Variants in PACSIN1 observed in about 807,000 individuals in gnomAD.
PACSIN1 encodes protein kinase C and casein kinase substrate in neurons protein 1.
In PACSIN1, 15 loss-of-function variants were observed where a neutral mutation model predicts 59.5. The ratio of observed to expected loss-of-function variants is 0.25; its 90% CI spans 0.17 to 0.39. PACSIN1 has a LOEUF of 0.39. Ranked by LOEUF, PACSIN1 falls within the 10% of genes least tolerant of loss-of-function variation. PACSIN1 has a pLI of 1.00. For missense variants in PACSIN1, 420 were observed against 580.2 expected, an observed-to-expected ratio of 0.72 and a Z score of 2.84; for synonymous variants, 210 against 220.6, an observed-to-expected ratio of 0.95 and a Z score of 0.42.
At chr6:34,481,121 C>T (rs12660470) in intron 1 of PACSIN1, among the ~76,000 whole-genome samples, 1,682 of 152,090 alleles carry the variant, frequency 0.011, 43 homozygotes, top group East Asian at 0.094. Context: ...TCACGGCTCA[C>T]TGCAACCTCC....
At chr6:34,527,516 G>GC (rs775357043) in intron 3 of PACSIN1, 28 bp downstream of exon 3, 2 of 1,554,710 alleles carry the variant, frequency 1.3e-6, no homozygotes, top group Non-Finnish European at 1.7e-6. Context: ...CATCGTGCGC[G>GC]CCCCCAGGCC....
In PACSIN1 at chr6:34,532,477, C is replaced by A; in HGVS notation, c.1282C>A (p.Leu428Met). Residue 428 changes from leucine (L) to methionine (M), a missense_variant, in exon 10 of 10, where the codon CTG (leucine) becomes ATG (methionine). Physicochemically the swap from Leu to Met is conservative, Grantham distance 15 (BLOSUM62 2). Transcript: ENST00000244458. The surrounding 1 kb of genome is among the most constrained non-coding windows in gnomAD (Gnocchi z 5.2). ...TGAGCAGGGCTGGTGCCGTGGGCGGCTGGACAGCGGGCAGCTGGGCCTCTA... is the reference window on the plus strand; with the variant it reads ...TGAGCAGGGCTGGTGCCGTGGGCGGATGGACAGCGGGCAGCTGGGCCTCTA... Reference protein sequence around the residue: ...EDEQGWCRGRLDSGQLGLYPA... With the variant: ...EDEQGWCRGRMDSGQLGLYPA... 6.4e-7 allele frequency: 1 copy of A among 1,574,304 alleles called. No homozygotes were observed. Among genetic ancestry groups the A allele is most frequent in the East Asian group, 2.3e-5 (1 of 42,696 alleles).
chr6:34,528,599 G>A, intron 3 of PACSIN1, 43 bp from the exon 4 acceptor site: 2 of 1,441,398 alleles, frequency 1.4e-6, no homozygotes, highest in Non-Finnish European at 2.0e-6. Context: ...GGGCCTCTGG[G>A]CAGGGGCAAT....
At chr6:34,527,572 C>G in intron 3 of PACSIN1, 84 bp downstream of exon 3, 1 of 1,245,018 alleles carries the variant, frequency 8.0e-7, no homozygotes, top group South Asian at 1.6e-5. Flanking sequence ...CGGCTACTTG[C>G]ATGCACCATG....
Position 34,529,813 on chromosome 6 carries a change from C to T in PACSIN1, c.760C>T (p.Arg254Trp), listed in dbSNP as rs753089145. 32 of 1,613,724 alleles carry T rather than the reference C, an allele frequency of 2.0e-5. No homozygotes were observed. Among genetic ancestry groups the T allele is most frequent in the South Asian group, 1.4e-4 (13 of 91,020 alleles). ...CAAGGAGGTGCTGCTGGACATCAAACGGCACCTCAACCTGGCTGAGAACAG... is the reference window on the plus strand; with the variant it reads ...CAAGGAGGTGCTGCTGGACATCAAATGGCACCTCAACCTGGCTGAGAACAG... ...FLKEVLLDIK[R>W]HLNLAENSSY... The change falls in exon 6 of 10, where the codon CGG becomes TGG. Residue 254 changes from arginine to tryptophan, a missense_variant. Coordinates refer to ENST00000244458, the MANE Select transcript of PACSIN1 (RefSeq NM_020804.5). The surrounding 1 kb of genome is among the most constrained non-coding windows in gnomAD (Gnocchi z 6.3).
At chr6:34,479,692 G>C (rs1766688297) in intron 1 of PACSIN1, among the ~76,000 whole-genome samples, 1 of 152,134 alleles carries the variant, frequency 6.6e-6, no homozygotes, top group South Asian at 2.1e-4. Flanking sequence ...CTGGGCTCAA[G>C]TGATCCTCCT....
chr6:34,492,320 T>C (rs1335068723), intron 1 of PACSIN1, among the ~76,000 whole-genome samples: 2 of 149,864 alleles, frequency 1.3e-5, no homozygotes, highest in Non-Finnish European at 3.0e-5. Context: ...GCAATTCTCC[T>C]GCCTCAGCCT....
chr6:34,510,700 C>G (rs999246156), intron 1 of PACSIN1, among the ~76,000 whole-genome samples: 3 of 152,198 alleles, frequency 2.0e-5, no homozygotes, highest in African/African-American at 7.2e-5. Flanking sequence ...TACTCTCTGT[C>G]TCTTTAACCC....
intron 1 of PACSIN1, among the ~76,000 whole-genome samples, chr6:34,495,786 C>T (rs959319396): frequency 1.3e-5 from 2 of 152,164 alleles, no homozygotes; most frequent in African/African-American, 2.4e-5. Context: ...TATTTTGTTG[C>T]ACACACAGGT....
At chr6:34,487,004 C>CAAAAA (rs3042080) in intron 1 of PACSIN1, among the ~76,000 whole-genome samples, 36,283 of 133,040 alleles carry the variant, frequency 0.27, 5,613 homozygotes, top group East Asian at 0.53. Context: ...CCATCTCTAC[C>CAAAAA]AAAAAAAAAA....
intron 1 of PACSIN1, among the ~76,000 whole-genome samples, chr6:34,476,121 C>G (rs1482201236): frequency 6.6e-6 from 1 of 152,186 alleles, no homozygotes; most frequent in Non-Finnish European, 1.5e-5. Flanking sequence ...AGTTGCCAGT[C>G]AGTGGATCTG....
At chr6:34,486,368 C>T (rs1766793797) in intron 1 of PACSIN1, among the ~76,000 whole-genome samples, 7 of 152,146 alleles carry the variant, frequency 4.6e-5, no homozygotes, top group Admixed American at 4.6e-4. Context: ...GTGCCATCAT[C>T]CCCGCTTTGA....
Position 34,528,897 on chromosome 6 carries a change from A to AGGGGGGGGG in PACSIN1, c.456+20_456+21insGGGGGGGGG. 6.4e-6 allele frequency: 3 copies of AGGGGGGGGG among 465,358 alleles called. No individual in the cohort carries two copies. Among genetic ancestry groups the AGGGGGGGGG allele is most frequent in the East Asian group, 5.3e-5 (1 of 19,030 alleles). The allele number at this position is 465,358 out of a possible 1,614,324, so 28.8% of individuals were successfully genotyped here. ...AAGGAGGTGCTCAGTGGGTGCTGCC[A>AGGGGGGGGG]CGGGCGGGGTGGGGTGGGCCCGTCT... On this transcript the variant is annotated intron_variant, in intron 4 of 9. Coordinates refer to ENST00000244458, the MANE Select transcript of PACSIN1 (RefSeq NM_020804.5).
At chr6:34,507,458 T>C (rs1270841799) in intron 1 of PACSIN1, among the ~76,000 whole-genome samples, 1 of 152,208 alleles carries the variant, frequency 6.6e-6, no homozygotes, top group Non-Finnish European at 1.5e-5. Flanking sequence ...TGATCTATTC[T>C]TGAACTTCAC....
intron 3 of PACSIN1, 41 bp downstream of exon 3, chr6:34,527,529 C>T: frequency 6.5e-7 from 1 of 1,536,142 alleles, no homozygotes; most frequent in Middle Eastern, 1.7e-4. Flanking sequence ...CCCAGGCCGT[C>T]ACGAGCCCCC....
At chr6:34,467,446 G>A (rs1766512007) in intron 1 of PACSIN1, among the ~76,000 whole-genome samples, 1 of 152,134 alleles carries the variant, frequency 6.6e-6, no homozygotes, top group East Asian at 1.9e-4. Context: ...GGAAATAGCT[G>A]GCAACCTGAG....
rs976407372 is a variant in PACSIN1, at chr6:34,526,329, C to G, written c.24C>G (p.Ala8=). ...CCATGTCCAGCTCCTACGATGAGGC[C>G]TCACTGGCGCCAGAGGAGACCACCG... MSSSYDE[A]SLAPEETTDS... Residue 8 remains alanine, a synonymous_variant, in exon 2 of 10, where the codon GCC becomes GCG. Coordinates refer to ENST00000244458, the MANE Select transcript of PACSIN1 (RefSeq NM_020804.5). 1.2e-6 allele frequency: 2 copies of G among 1,612,276 alleles called. No homozygotes were observed. The highest frequency in any genetic ancestry group is 2.7e-5 in the African/African-American group (2 of 74,916).
intron 1 of PACSIN1, among the ~76,000 whole-genome samples, chr6:34,482,583 T>C (rs1766734349): frequency 6.6e-6 from 1 of 152,242 alleles, no homozygotes; most frequent in African/African-American, 2.4e-5. Flanking sequence ...TAAGAACATT[T>C]ATATGCATGT....
chr6:34,529,011 C>T lies in PACSIN1; in HGVS notation c.456+134C>T. On this transcript the variant is annotated intron_variant, in intron 4 of 9. Transcript: ENST00000244458. This position sits in a 1 kb window ranked among gnomAD's most constrained non-coding sequence, Gnocchi z 6.3. The stretch of plus-strand genomic sequence containing the variant: ...GGATTGTGCCCACAGGGGAGCAGCA[C>T]TGCCTTCCAGGAAAAAATATTCACA... 1 of 703,876 alleles carries T rather than the reference C, an allele frequency of 1.4e-6. No individual in the cohort carries two copies. Among genetic ancestry groups the T allele is most frequent in the Non-Finnish European group, 2.4e-6 (1 of 423,794 alleles). 43.6% of individuals were successfully genotyped at this position (703,876 alleles called of 1,614,324 possible). A position where few individuals can be genotyped will look rare whatever the true frequency, so the allele number is the denominator to read the frequency against.
Sources: allele counts gnomAD v4.1 joint callset (sites outside exome capture counted in the v4.1 genomes callset), GRCh38; gene constraint gnomAD v4.1.1; non-coding constraint Gnocchi (gnomAD v3.1); transcripts MANE v1.5; gene names NCBI Gene and HGNC (gene_info 2026-07-23, HGNC 2026-07-21).